The following ZNF521 variants were observed in gnomAD, a reference collection of about 807,000 sequenced individuals.
The protein encoded by ZNF521 is zinc finger protein 521.
ZNF521 carries 14 observed loss-of-function variants against 105.5 expected under a neutral mutation model. That is an observed-to-expected ratio of 0.13 (90% CI 0.09 to 0.21). The LOEUF is 0.21. ZNF521 is among the 10% of genes least tolerant of loss of function. The pLI is 1.00. For missense variants in ZNF521, 1,233 were observed against 1,629.7 expected (o/e 0.76, Z 4.19); for synonymous variants, 635 against 606.0 (o/e 1.05, Z -0.70).
chr18:25,070,628 C>A (rs1216138213), intron 7 of ZNF521, among the ~76,000 whole-genome samples: 1 of 152,132 alleles, frequency 6.6e-6, no homozygotes, highest in Non-Finnish European at 1.5e-5. Flanking sequence ...CTGGACAATT[C>A]TTTGTTGCAG....
chr18:25,270,463 G>A (rs1478430302), intron 3 of ZNF521, among the ~76,000 whole-genome samples: 2 of 152,106 alleles, frequency 1.3e-5, no homozygotes, highest in African/African-American at 4.8e-5. Flanking sequence ...ACCTGGTAGA[G>A]ACACAACAAA....
rs1248065043 is a variant in ZNF521 at position 25,062,806 on chromosome 18, C to T, written c.3907-65G>A. 6 of 1,277,220 alleles carry T rather than the reference C, an allele frequency of 4.7e-6. No homozygotes were observed. The African/African-American group carries it at 7.0e-5, about 15-fold the overall frequency. 79.1% of individuals were successfully genotyped at this position (1,277,220 alleles called of 1,614,324 possible). A position where few individuals can be genotyped will look rare whatever the true frequency, so the allele number is the denominator to read the frequency against. On this transcript the variant is annotated intron_variant, in intron 7 of 7. Transcript: ENST00000361524. ...AAAAAGAGAAGAGAGGGAAAACAAA[C>T]TTCAGTGATTTCATTTTCATCAGAC...
At chr18:25,209,023 G>C (rs1298585832) in intron 4 of ZNF521, among the ~76,000 whole-genome samples, 1 of 152,200 alleles carries the variant, frequency 6.6e-6, no homozygotes, top group African/African-American at 2.4e-5. Flanking sequence ...AGCAGACTTT[G>C]TCAAGTTAGA....
At position 25,319,291 on chromosome 18, in the gene ZNF521, A is replaced by G. The variant is rs995932851; in HGVS notation, c.220+2717T>C. On this transcript the variant is annotated intron_variant, in intron 3 of 7. Transcript: ENST00000361524. ...AATAGATAAATTATGAACTTGCAAT[A>G]GACATAAAAACAGTGAGCATGGCTG... 7.2e-5 allele frequency among the ~76,000 whole-genome samples: 11 copies of G among 152,348 alleles called. No homozygotes were observed. The South Asian group carries it at 8.3e-4, about 11-fold the overall frequency.
rs184795736 is a variant in ZNF521 at position 25,326,849 on chromosome 18, T to C, written c.41-4662A>G. On this transcript the variant is annotated intron_variant, in intron 2 of 7. Coordinates refer to ENST00000361524, the MANE Select transcript of ZNF521 (RefSeq NM_015461.3). Reference sequence around the variant, plus strand: ...ATGAACCCAAAATACTCCACTTATATACTCACGCAAACTTAAAACTGGACC... The same window carrying C: ...ATGAACCCAAAATACTCCACTTATACACTCACGCAAACTTAAAACTGGACC... 1.8e-4 allele frequency among the ~76,000 whole-genome samples: 27 copies of C among 152,310 alleles called. No individual in the cohort carries two copies. In the East Asian group the frequency reaches 4.4e-3, roughly 25 times the overall value.
chr18:25,328,659 T>A (rs758618836), intron 2 of ZNF521, among the ~76,000 whole-genome samples: 42 of 152,002 alleles, frequency 2.8e-4, no homozygotes, highest in Admixed American at 1.0e-3. Flanking sequence ...TTCAAGCGAT[T>A]CTCCTGCCTC....
chr18:25,323,235 A>C (rs1222147272), intron 2 of ZNF521, among the ~76,000 whole-genome samples: 1 of 151,986 alleles, frequency 6.6e-6, no homozygotes, highest in Non-Finnish European at 1.5e-5. Context: ...TATATCTCAA[A>C]ATACGGTAAA....
intron 3 of ZNF521, among the ~76,000 whole-genome samples, chr18:25,320,087 T>C (rs915204092): frequency 9.2e-5 from 14 of 152,158 alleles, no homozygotes; most frequent in African/African-American, 3.4e-4. Context: ...GGGGAAAAAA[T>C]AGCTACCAAA....
chr18:25,145,266 T>C (rs1365216994), intron 5 of ZNF521, among the ~76,000 whole-genome samples: 1 of 152,074 alleles, frequency 6.6e-6, no homozygotes, highest in Admixed American at 6.6e-5. Context: ...TTGCCATTTC[T>C]CCCCCTCTTT....
chr18:25,246,203 A>AC, intron 3 of ZNF521, among the ~76,000 whole-genome samples: 1 of 152,248 alleles, frequency 6.6e-6, no homozygotes, highest in East Asian at 1.9e-4. Context: ...GTGCACATGT[A>AC]CCCTAGAGCT....
At chr18:25,067,759 A>G (rs895302537) in intron 7 of ZNF521, among the ~76,000 whole-genome samples, 1 of 152,124 alleles carries the variant, frequency 6.6e-6, no homozygotes. Flanking sequence ...TTAAATTCCC[A>G]ACCCCAAAAC....
chr18:25,117,082 C>CACACACACAT (rs1449131209), intron 5 of ZNF521, among the ~76,000 whole-genome samples: 8,899 of 81,162 alleles, frequency 0.11, 514 homozygotes, highest in Admixed American at 0.24. Context: ...CACACACACA[C>CACACACACAT]ATACACACAT....
At chr18:25,320,766 T>C (rs192482321) in intron 3 of ZNF521, among the ~76,000 whole-genome samples, 20 of 152,316 alleles carry the variant, frequency 1.3e-4, no homozygotes, top group Non-Finnish European at 2.1e-4. Context: ...CCTAGAAGCA[T>C]ATATAAACTG....
At chr18:25,101,028 T>G (rs1186719873) in intron 5 of ZNF521, among the ~76,000 whole-genome samples, 1 of 152,202 alleles carries the variant, frequency 6.6e-6, no homozygotes, top group Admixed American at 6.5e-5. Context: ...GTATTCTAAA[T>G]TAAACCCAGA....
chr18:25,267,121 G>A (rs1909322823), intron 3 of ZNF521, among the ~76,000 whole-genome samples: 1 of 152,178 alleles, frequency 6.6e-6, no homozygotes, highest in Non-Finnish European at 1.5e-5. Context: ...TGAGGCTTGA[G>A]TAGGCAGTTT....
chr18:25,262,523 GA>G (rs1188414358), intron 3 of ZNF521, among the ~76,000 whole-genome samples: 7 of 152,124 alleles, frequency 4.6e-5, no homozygotes, highest in Non-Finnish European at 1.0e-4. Flanking sequence ...CTCTAAGGAG[GA>G]ATTCATTTTG....
In ZNF521 at chr18:25,116,947, ATATATATG is replaced by A. The variant is rs1439832644; in HGVS notation, c.3659-24874_3659-24867del. 3.0e-4 allele frequency among the ~76,000 whole-genome samples: 41 copies of A among 137,502 alleles called. No homozygotes were observed. The East Asian group carries it at 7.8e-3, about 26-fold the overall frequency. 90.2% of individuals were successfully genotyped at this position (137,502 alleles called of 152,430 possible). On this transcript the variant is annotated intron_variant, in intron 5 of 7. Coordinates refer to ENST00000361524, the MANE Select transcript of ZNF521 (RefSeq NM_015461.3). ...TGTATATATATACGTATATATACAC[ATATATATG>A]TATATATGTATATATATGTATATAT...
At chr18:25,231,668 A>C (rs966592028) in intron 3 of ZNF521, 14 of 152,204 alleles carry the variant, frequency 9.2e-5, no homozygotes, top group Admixed American at 2.0e-4. Context: ...AGACTAATCA[A>C]ATTAGCCAGA....
intron 4 of ZNF521, among the ~76,000 whole-genome samples, chr18:25,198,001 T>A (rs1413809516): frequency 6.6e-6 from 1 of 151,900 alleles, no homozygotes; most frequent in Admixed American, 6.6e-5. Flanking sequence ...AGTGAGATAA[T>A]TTCTTTTAAA....
Sources: gnomAD v4.1 joint callset for allele counts (sites outside exome capture counted in the v4.1 genomes callset) on GRCh38, gnomAD v4.1.1 for gene constraint, MANE v1.5 for transcripts, NCBI Gene and HGNC (gene_info 2026-07-23, HGNC 2026-07-21) for gene names.